KCNJ6: variants seen among roughly 807,000 people sequenced by gnomAD.
The protein encoded by KCNJ6 is G protein-activated inward rectifier potassium channel 2.
KCNJ6 carries 9 observed loss-of-function variants against 34.2 expected under a neutral mutation model. The ratio of observed to expected loss-of-function variants is 0.26; its 90% CI spans 0.16 to 0.46. The LOEUF is 0.46. Among genes scored for constraint, KCNJ6 ranks in the 20% least tolerant of loss-of-function variants. KCNJ6 has a pLI of 1.00. For missense variants in KCNJ6, 236 were observed against 531.3 expected, an observed-to-expected ratio of 0.44 and a Z score of 5.46; for synonymous variants, 196 against 207.1, an observed-to-expected ratio of 0.95 and a Z score of 0.46.
chr21:37,779,210 C>A (rs1397496411), intron 2 of KCNJ6, among the ~76,000 whole-genome samples: 1 of 152,078 alleles, frequency 6.6e-6, no homozygotes. Context: ...TCATTTAATC[C>A]TTGTAACTAG....
At chr21:37,667,453 A>G (rs966366243) in intron 3 of KCNJ6, among the ~76,000 whole-genome samples, 4 of 152,112 alleles carry the variant, frequency 2.6e-5, no homozygotes, top group Non-Finnish European at 4.4e-5. Flanking sequence ...GAATGACTCA[A>G]TAGGACATCA....
At chr21:37,841,215 A>G (rs1489637176) in intron 1 of KCNJ6, among the ~76,000 whole-genome samples, 1 of 152,142 alleles carries the variant, frequency 6.6e-6, no homozygotes, top group African/African-American at 2.4e-5. Context: ...TTATAACCTT[A>G]TCTACTTTGG....
intron 3 of KCNJ6, among the ~76,000 whole-genome samples, chr21:37,697,571 G>A (rs533840965): frequency 1.9e-4 from 29 of 152,296 alleles, no homozygotes; most frequent in Non-Finnish European, 3.4e-4. Context: ...CAGCTGGATA[G>A]GAATTAAGCC....
At chr21:37,665,333 C>T (rs948098597) in intron 3 of KCNJ6, among the ~76,000 whole-genome samples, 5 of 152,142 alleles carry the variant, frequency 3.3e-5, no homozygotes, top group African/African-American at 7.2e-5. Flanking sequence ...GCCATGGTGC[C>T]AGTCGTCTGT....
At chr21:37,661,734 T>A (rs1041221752) in intron 3 of KCNJ6, among the ~76,000 whole-genome samples, 1 of 148,256 alleles carries the variant, frequency 6.7e-6, no homozygotes, top group African/African-American at 2.5e-5. Flanking sequence ...GCCATTCTCC[T>A]GCCTCAGCCT....
Position 37,728,203 on chromosome 21 carries a change from C to G in KCNJ6, c.26-13072G>C, listed in dbSNP as rs146534387. Among the ~76,000 whole-genome samples, 186 of 152,270 alleles carry G rather than the reference C, an allele frequency of 1.2e-3. 5 individuals carry two copies. The East Asian group carries it at 0.022, about 18-fold the overall frequency. ...TATGCTCAGTGAAATAAGCCAGACA[C>G]GAAAGGACAAGTACTATATGATTTC... On this transcript the variant is annotated intron_variant, in intron 2 of 3. Transcript: ENST00000609713.
At chr21:37,759,200 G>T (rs1340554235) in intron 2 of KCNJ6, among the ~76,000 whole-genome samples, 1 of 152,128 alleles carries the variant, frequency 6.6e-6, no homozygotes, top group Non-Finnish European at 1.5e-5. Context: ...AATTTGTCCG[G>T]GCTGCATCTC....
At chr21:37,843,140 T>C (rs1255671676) in intron 1 of KCNJ6, among the ~76,000 whole-genome samples, 1 of 152,150 alleles carries the variant, frequency 6.6e-6, no homozygotes, top group Non-Finnish European at 1.5e-5. Context: ...GTGTGTCTGT[T>C]TTCTTGAGTG....
intron 2 of KCNJ6, among the ~76,000 whole-genome samples, chr21:37,817,855 A>C (rs2055353948): frequency 6.6e-6 from 1 of 152,234 alleles, no homozygotes; most frequent in African/African-American, 2.4e-5. Context: ...CAGGTACAAC[A>C]GAGTGGGTAC....
intron 1 of KCNJ6, among the ~76,000 whole-genome samples, chr21:37,908,068 C>A (rs994890712): frequency 6.6e-6 from 1 of 152,200 alleles, no homozygotes; most frequent in Non-Finnish European, 1.5e-5. Flanking sequence ...ACATGCATTA[C>A]TGGTATTTAC....
chr21:37,670,086 A>G (rs2054534789), intron 3 of KCNJ6, among the ~76,000 whole-genome samples: 1 of 152,210 alleles, frequency 6.6e-6, no homozygotes, highest in South Asian at 2.1e-4. Flanking sequence ...GCATGTATAT[A>G]TCTAGTTGTC....
In KCNJ6 at chr21:37,816,174, C is replaced by T. The variant is rs369889650; in HGVS notation, c.25+24484G>A. The stretch of plus-strand genomic sequence containing the variant: ...CAGGACTGGGGAGTCCAATGCCTGC[C>T]GCCTTTTCTGGAGCACTTTATTGAC... On this transcript the variant is annotated intron_variant, in intron 2 of 3. Coordinates refer to ENST00000609713, the MANE Select transcript of KCNJ6 (RefSeq NM_002240.5). 1.9e-4 allele frequency among the ~76,000 whole-genome samples: 29 copies of T among 152,282 alleles called. No individual in the cohort carries two copies. In the South Asian group the frequency reaches 4.6e-3, roughly 24 times the overall value.
chr21:37,778,308 C>G (rs572247296), intron 2 of KCNJ6, among the ~76,000 whole-genome samples: 40 of 152,234 alleles, frequency 2.6e-4, no homozygotes, highest in Non-Finnish European at 4.9e-4. Context: ...GTTTCCATAA[C>G]CTGACTTTTG....
intron 3 of KCNJ6, among the ~76,000 whole-genome samples, chr21:37,651,908 G>A (rs1448233669): frequency 6.6e-6 from 1 of 152,186 alleles, no homozygotes; most frequent in Non-Finnish European, 1.5e-5. Flanking sequence ...CTGCGGGCTT[G>A]TAACCTTATT....
rs547205994 is a variant in KCNJ6, at chr21:37,695,234, C to A, written c.946+18977G>T. 1.0e-3 allele frequency among the ~76,000 whole-genome samples: 159 copies of A among 152,288 alleles called. No homozygotes were observed. Among genetic ancestry groups the A allele is most frequent in the Non-Finnish European group, 2.0e-3 (139 of 68,018 alleles). On this transcript the variant is annotated intron_variant, in intron 3 of 3. Transcript: ENST00000609713. This position sits in a 1 kb window ranked among gnomAD's most constrained non-coding sequence, Gnocchi z 4.2. ...GGCATTGTTGCAACCACAAGGGAGA[C>A]CTGGCTTGTTACAGAACTTAACAGT... is the stretch of plus-strand genomic sequence containing the variant.
intron 1 of KCNJ6, among the ~76,000 whole-genome samples, chr21:37,847,782 G>C (rs1248901760): frequency 6.6e-6 from 1 of 150,454 alleles, no homozygotes; most frequent in African/African-American, 2.5e-5. Flanking sequence ...AGAGAAGGGA[G>C]GGGGAGAAGG....
At chr21:37,677,787 TCCAC>T (rs1569443668) in intron 3 of KCNJ6, among the ~76,000 whole-genome samples, 2 of 137,744 alleles carry the variant, frequency 1.5e-5, no homozygotes, top group Non-Finnish European at 1.7e-5. Flanking sequence ...CATCCATCCA[TCCAC>T]CCACCTATCC....
intron 1 of KCNJ6, among the ~76,000 whole-genome samples, chr21:37,893,951 CT>C (rs2055775294): frequency 6.6e-6 from 1 of 152,166 alleles, no homozygotes; most frequent in Non-Finnish European, 1.5e-5. Flanking sequence ...CTTTCTCTTT[CT>C]TTTCACTGAT....
chr21:37,626,780 C>T (rs934772932), intron 3 of KCNJ6, among the ~76,000 whole-genome samples: 4 of 152,060 alleles, frequency 2.6e-5, no homozygotes, highest in Non-Finnish European at 4.4e-5. Context: ...TTTAGAGGCC[C>T]GTGAAAATGT....
Sources: gnomAD v4.1 joint callset for allele counts (sites outside exome capture counted in the v4.1 genomes callset) on GRCh38, gnomAD v4.1.1 for gene constraint, Gnocchi (gnomAD v3.1) non-coding constraint, MANE v1.5 for transcripts, NCBI Gene and HGNC (gene_info 2026-07-23, HGNC 2026-07-21) for gene names.